DCX: variants seen among roughly 807,000 people sequenced by gnomAD.
DCX encodes neuronal migration protein doublecortin.
DCX carries 4 observed loss-of-function variants against 20.9 expected under a neutral mutation model. The observed-to-expected ratio is 0.19, with a 90% CI of 0.09 to 0.44. DCX has a LOEUF of 0.44. DCX is among the 20% of genes least tolerant of loss of function. The pLI is 0.99. For synonymous variants in DCX, 103 were observed against 111.4 expected, an observed-to-expected ratio of 0.92 and a Z score of 0.47; for missense variants, 133 against 296.9, an observed-to-expected ratio of 0.45 and a Z score of 4.06.
At chrX:111,399,543 A>G (rs1603423117) in intron 3 of DCX, among the ~76,000 whole-genome samples, 1 of 112,269 alleles carries the variant, frequency 8.9e-6, no homozygotes, top group African/African-American at 3.2e-5. Flanking sequence ...AGGCTGTCTT[A>G]TAGTCTTATA....
chrX:111,377,561 G>A (rs996683061), intron 3 of DCX, among the ~76,000 whole-genome samples: 1 of 111,147 alleles, frequency 9.0e-6, no homozygotes, highest in East Asian at 2.9e-4. Context: ...TTTCCCAATC[G>A]GACTGCTTGG....
chrX:111,367,475 T>C (rs1924713984), intron 3 of DCX, among the ~76,000 whole-genome samples: 1 of 111,845 alleles, frequency 8.9e-6, no homozygotes, highest in Admixed American at 9.5e-5. Flanking sequence ...TCTTGAAAAT[T>C]GAGGTTTTAT....
At chrX:111,329,406 C>CTCTG (rs1271592853) in intron 5 of DCX, among the ~76,000 whole-genome samples, 1 of 111,721 alleles carries the variant, frequency 9.0e-6, no homozygotes, top group African/African-American at 3.3e-5. Flanking sequence ...AGGCACTATG[C>CTCTG]TCTGCACTGA....
intron 3 of DCX, among the ~76,000 whole-genome samples, chrX:111,396,127 G>C (rs1358816550): frequency 8.9e-6 from 1 of 112,039 alleles, no homozygotes; most frequent in Non-Finnish European, 1.9e-5. Flanking sequence ...AGCAGCAATT[G>C]AAACATCCCT....
chrX:111,379,378 C>T lies in DCX; in HGVS notation c.705+21612G>A, dbSNP rs1337696324. Among the ~76,000 whole-genome samples the T allele has an allele frequency of 2.7e-5, 3 of 111,426 alleles. No homozygotes were observed. The East Asian group carries it at 8.5e-4, about 32-fold the overall frequency. ...ATTAGCTGTAAATCCCTATTTCTCCCCAAACCTCCCAACCCTAGGCAACCA... is the reference window on the plus strand; with the variant it reads ...ATTAGCTGTAAATCCCTATTTCTCCTCAAACCTCCCAACCCTAGGCAACCA... On this transcript the variant is annotated intron_variant, in intron 3 of 6. Transcript: ENST00000636035.
At chrX:111,365,017 A>G (rs1038123683) in intron 3 of DCX, among the ~76,000 whole-genome samples, 14 of 109,331 alleles carry the variant, frequency 1.3e-4, no homozygotes, top group Admixed American at 1.0e-4. Flanking sequence ...TCCACCTCCC[A>G]AGCAGATGGG....
chrX:111,390,447 C>G (rs1187720192), intron 3 of DCX, among the ~76,000 whole-genome samples: 1 of 112,114 alleles, frequency 8.9e-6, no homozygotes, highest in Non-Finnish European at 1.9e-5. Flanking sequence ...ACTTACTACA[C>G]AGCAATAGAC....
rs1398935879 is a variant in DCX, at chrX:111,300,225, G to C, written c.*1462C>G. The C allele has an allele frequency of 9.0e-6, 1 of 111,516 alleles. No individual in the cohort carries two copies. The highest frequency in any genetic ancestry group is 1.9e-5 in the Non-Finnish European group (1 of 53,069). The allele number at this position is 111,516 out of a possible 1,213,427, so 9.2% of individuals were successfully genotyped here. A position where few individuals can be genotyped will look rare whatever the true frequency, so the allele number is the denominator to read the frequency against. The stretch of plus-strand genomic sequence containing the variant: ...CATGCATGACCTTCACTTAAATTTA[G>C]TTGTCTTTGCCATTATGGGCTATGA... On this transcript the variant is annotated 3_prime_UTR_variant, in exon 7 of 7. Coordinates refer to ENST00000636035, the MANE Select transcript of DCX (RefSeq NM_001195553.2).
intron 5 of DCX, among the ~76,000 whole-genome samples, chrX:111,316,539 C>T (rs1054894720): frequency 1.8e-5 from 2 of 111,411 alleles, no homozygotes; most frequent in Non-Finnish European, 3.8e-5. Context: ...CCCTCTCTCA[C>T]CACTCTTATT....
At chrX:111,394,903 A>G (rs1439463893) in intron 3 of DCX, among the ~76,000 whole-genome samples, 2 of 112,319 alleles carry the variant, frequency 1.8e-5, no homozygotes, top group Non-Finnish European at 3.8e-5. Context: ...CAGTGTAAAG[A>G]AAAGGGGGTC....
rs893950168 is a variant in DCX at position 111,297,934 on chromosome X, G to T, written c.*3753C>A. On this transcript the variant is annotated 3_prime_UTR_variant, in exon 7 of 7. Coordinates refer to ENST00000636035, the MANE Select transcript of DCX (RefSeq NM_001195553.2). Reference sequence around the variant, plus strand: ...GTCCTCATCAGAGCAGGATGGCTTTGGGGACATTGTGGATGAGGGCAACCA... The same window carrying T: ...GTCCTCATCAGAGCAGGATGGCTTTTGGGACATTGTGGATGAGGGCAACCA... 1 of 111,478 alleles carries T rather than the reference G, an allele frequency of 9.0e-6. No homozygotes were observed. The highest frequency in any genetic ancestry group is 9.5e-5 in the Admixed American group (1 of 10,512). 9.2% of individuals were successfully genotyped at this position (111,478 alleles called of 1,213,427 possible). A position where few individuals can be genotyped will look rare whatever the true frequency, so the allele number is the denominator to read the frequency against.
intron 5 of DCX, among the ~76,000 whole-genome samples, chrX:111,314,915 T>A (rs907374145): frequency 9.1e-6 from 1 of 110,225 alleles, no homozygotes; most frequent in Non-Finnish European, 1.9e-5. Flanking sequence ...GTAGGTTGCC[T>A]GTTCACTCTG....
chrX:111,401,014 T>G lies in DCX; in HGVS notation c.681A>C (p.Lys227Asn). 1 of 1,209,769 alleles carries G rather than the reference T, an allele frequency of 8.3e-7. No individual in the cohort carries two copies. The highest frequency in any genetic ancestry group is 1.1e-6 in the Non-Finnish European group (1 of 894,512). ...AIKLETGVVK[K>N]LYTLDGKQVT... ...CCTGTTTTCCATCCAGAGTGTAGAG[T>G]TTTTTGACAACCCCGGTCTCCAGTT... The change falls in exon 3 of 7, where the codon AAA becomes AAC. Residue 227 changes from lysine to asparagine, a missense_variant. By Grantham distance (94) the Lys-to-Asn change is moderately conservative. Around this residue, in one of 2 missense-constraint regions of DCX, gnomAD observed 65 missense variants for 212.6 expected, o/e 0.31. Coordinates refer to ENST00000636035, the MANE Select transcript of DCX (RefSeq NM_001195553.2).
chrX:111,347,451 C>A (rs1206117107), intron 3 of DCX, among the ~76,000 whole-genome samples: 1 of 111,756 alleles, frequency 8.9e-6, no homozygotes, highest in African/African-American at 3.3e-5. Context: ...CTTGAAGACA[C>A]CGATTTCCTT....
intron 3 of DCX, among the ~76,000 whole-genome samples, chrX:111,387,864 C>A (rs1423278407): frequency 9.0e-6 from 1 of 111,393 alleles, no homozygotes; most frequent in Non-Finnish European, 1.9e-5. Flanking sequence ...CCATTCAGAC[C>A]CCTAGGGTCT....
chrX:111,345,109 T>G (rs1922679422), intron 3 of DCX, among the ~76,000 whole-genome samples: 1 of 111,731 alleles, frequency 9.0e-6, no homozygotes, highest in Non-Finnish European at 1.9e-5. Context: ...CCATCTGATC[T>G]TCGACAAACC....
At chrX:111,395,787 A>G (rs1175449527) in intron 3 of DCX, among the ~76,000 whole-genome samples, 2 of 112,429 alleles carry the variant, frequency 1.8e-5, no homozygotes, top group Non-Finnish European at 3.8e-5. Flanking sequence ...CTTGAGGCAT[A>G]ATTTATGCCC....
At chrX:111,407,634 T>C (rs1253573176) in intron 2 of DCX, among the ~76,000 whole-genome samples, 7 of 111,452 alleles carry the variant, frequency 6.3e-5, no homozygotes, top group Non-Finnish European at 1.1e-4. Context: ...GTCCAGGAAT[T>C]CACCAAGAAG....
At chrX:111,354,244 C>T (rs893726801) in intron 3 of DCX, among the ~76,000 whole-genome samples, 1 of 111,949 alleles carries the variant, frequency 8.9e-6, no homozygotes, top group African/African-American at 3.2e-5. Flanking sequence ...CGGACATTCT[C>T]ATATCCCTTA....
Sources: allele counts gnomAD v4.1 joint callset (sites outside exome capture counted in the v4.1 genomes callset), GRCh38; gene constraint gnomAD v4.1.1; regional missense constraint gnomAD v4.1.1; transcripts MANE v1.5; gene names NCBI Gene and HGNC (gene_info 2026-07-23, HGNC 2026-07-21).